The following KCNA2 variants were observed in gnomAD, a reference collection of about 807,000 sequenced individuals.
KCNA2 encodes the protein potassium voltage-gated channel subfamily A member 2, also known as potassium channel, voltage gated shaker related subfamily A, member 2.
Under a neutral mutation model 33.4 loss-of-function variants are expected in KCNA2, and 11 were observed. That is an observed-to-expected ratio of 0.33 (90% CI 0.21 to 0.55). The LOEUF (loss-of-function observed/expected upper bound fraction) is 0.55, where lower values mean the gene tolerates loss of function less well. Ranked by LOEUF, KCNA2 falls within the 20% of genes least tolerant of loss-of-function variation. The pLI is 0.93. For missense variants in KCNA2, 291 were observed against 621.6 expected (o/e 0.47, Z 5.66); for synonymous variants, 222 against 231.3 (o/e 0.96, Z 0.37).
Position 110,603,159 on chromosome 1 carries a change from T to C in KCNA2, c.*124A>G, listed in dbSNP as rs981774050. 86 of 1,466,926 alleles carry C rather than the reference T, an allele frequency of 5.9e-5. No homozygotes were observed. Among genetic ancestry groups the C allele is most frequent in the Non-Finnish European group, 7.6e-5 (85 of 1,114,696 alleles). The allele number at this position is 1,466,926 out of a possible 1,614,324, so 90.9% of individuals were successfully genotyped here. ...AAAAGTCAAAAGATCAAAAGTCACT[T>C]GCACAACTATTGCTTTCCATGCAGA... On this transcript the variant is annotated 3_prime_UTR_variant, in exon 3 of 3. Transcript: ENST00000316361. The surrounding 1 kb of genome is among the most constrained non-coding windows in gnomAD (Gnocchi z 5.7).
Position 110,593,988 on chromosome 1 carries a change from C to A in KCNA2, c.*9295G>T. On this transcript the variant is annotated 3_prime_UTR_variant, in exon 3 of 3. Transcript: ENST00000316361. ...ACTCCCAACTCCCATGAGTCTTCCC[C>A]GCAAGTCCTGCTCCGCCTTCAGCTC... is the stretch of plus-strand genomic sequence containing the variant. The A allele has an allele frequency of 6.5e-7, 1 of 1,547,570 alleles. No individual in the cohort carries two copies. The highest frequency in any genetic ancestry group is 2.5e-5 in the East Asian group (1 of 40,778).
chr1:110,594,226 A>T lies in KCNA2; in HGVS notation c.*9057T>A, dbSNP rs1648989372. 1 of 1,110,290 alleles carries T rather than the reference A, an allele frequency of 9.0e-7. No individual in the cohort carries two copies. Among genetic ancestry groups the T allele is most frequent in the Non-Finnish European group, 1.1e-6 (1 of 909,378 alleles). The allele number at this position is 1,110,290 out of a possible 1,614,324, so 68.8% of individuals were successfully genotyped here. ...ACAAGCAGCAAGGAAGCCAGTGCAA[A>T]CCCTAACTGGAGTCTGTGCTGCATG... On this transcript the variant is annotated 3_prime_UTR_variant, in exon 3 of 3. Transcript: ENST00000316361.
In KCNA2 at chr1:110,597,801, T is replaced by G. The variant is rs1043864039; in HGVS notation, c.*5482A>C. ...AGAAAACAGTCACTATTTATTTTAT[T>G]GCACTTTTCCTCTTTAAAAATATTC... On this transcript the variant is annotated 3_prime_UTR_variant, in exon 3 of 3. Coordinates refer to ENST00000316361, the MANE Select transcript of KCNA2 (RefSeq NM_004974.4). 4 of 985,224 alleles carry G rather than the reference T, an allele frequency of 4.1e-6. No individual in the cohort carries two copies. The highest frequency in any genetic ancestry group is 4.8e-6 in the Non-Finnish European group (4 of 829,850). The allele number at this position is 985,224 out of a possible 1,614,324, so 61.0% of individuals were successfully genotyped here. A position where few individuals can be genotyped will look rare whatever the true frequency, so the allele number is the denominator to read the frequency against.
At position 110,602,502 on chromosome 1, in the gene KCNA2, A is replaced by C; in HGVS notation, c.*781T>G. The C allele has an allele frequency of 8.8e-7, 1 of 1,139,500 alleles. No individual in the cohort carries two copies. Among genetic ancestry groups the C allele is most frequent in the Non-Finnish European group, 1.1e-6 (1 of 927,384 alleles). 70.6% of individuals were successfully genotyped at this position (1,139,500 alleles called of 1,614,324 possible). On this transcript the variant is annotated 3_prime_UTR_variant, in exon 3 of 3. Transcript: ENST00000316361. ...AGATGTCTGCAAACTCCAGTAAGAA[A>C]CCAGACATGTTTTTGTGACCCTGGA...
rs1214628964 is a variant in KCNA2, at chr1:110,594,121, A to G, written c.*9162T>C. 4 of 1,389,088 alleles carry G rather than the reference A, an allele frequency of 2.9e-6. No individual in the cohort carries two copies. Among genetic ancestry groups the G allele is most frequent in the East Asian group, 2.8e-5 (1 of 36,106 alleles). The allele number at this position is 1,389,088 out of a possible 1,614,324, so 86.0% of individuals were successfully genotyped here. On this transcript the variant is annotated 3_prime_UTR_variant, in exon 3 of 3. Coordinates refer to ENST00000316361, the MANE Select transcript of KCNA2 (RefSeq NM_004974.4). ...GGAGTTCCTTCTGCTATTGATCCCA[A>G]GGAGGCTTATTTATCTACCTCTTTG...
At chr1:110,609,103 A>T (rs1649780155), upstream of KCNA2, among the ~76,000 whole-genome samples, 1 of 151,690 alleles carries the variant, frequency 6.6e-6, no homozygotes. Context: ...TCCCTTCCCT[A>T]TATACTCCTT....
chr1:110,624,446 G>C (rs1650340854), intron 1 of KCNA2, among the ~76,000 whole-genome samples: 1 of 152,246 alleles, frequency 6.6e-6, no homozygotes, highest in South Asian at 2.1e-4. Flanking sequence ...CATCTATAGA[G>C]AAATAAAGCA....
intron 1 of KCNA2, among the ~76,000 whole-genome samples, chr1:110,619,174 C>T (rs1404599624): frequency 6.6e-6 from 1 of 152,196 alleles, no homozygotes; most frequent in Admixed American, 6.5e-5. Flanking sequence ...TGTGGCCTGG[C>T]TGTCCCCACT....
chr1:110,613,142 G>A (rs1649933185), intron 1 of KCNA2, among the ~76,000 whole-genome samples: 1 of 152,192 alleles, frequency 6.6e-6, no homozygotes, highest in Non-Finnish European at 1.5e-5. Flanking sequence ...GCAGCCCCCT[G>A]GCCAGAATGC....
chr1:110,617,756 A>G (rs1650114160), intron 1 of KCNA2, among the ~76,000 whole-genome samples: 1 of 152,182 alleles, frequency 6.6e-6, no homozygotes, highest in Non-Finnish European at 1.5e-5. Context: ...GGGCCGCCAC[A>G]GGGCTTCAGA....
chr1:110,617,324 G>A (rs749573723), intron 1 of KCNA2, among the ~76,000 whole-genome samples: 4 of 152,198 alleles, frequency 2.6e-5, no homozygotes, highest in African/African-American at 4.8e-5. Flanking sequence ...GGGACTCTGC[G>A]CCAGATGGAG....
Position 110,597,250 on chromosome 1 carries a change from G to A in KCNA2, c.*6033C>T, listed in dbSNP as rs968292575. ...CCGTCTCCCTGGGGAAGGGAGAAGG[G>A]GAAGCAAAAGGATCAAGTAATGGCT... On this transcript the variant is annotated 3_prime_UTR_variant, in exon 3 of 3. Transcript: ENST00000316361. 23 of 985,278 alleles carry A rather than the reference G, an allele frequency of 2.3e-5. No homozygotes were observed. The highest frequency in any genetic ancestry group is 5.2e-4 in the Middle Eastern group (1 of 1,936). 61.0% of individuals were successfully genotyped at this position (985,278 alleles called of 1,614,324 possible).
intron 1 of KCNA2, among the ~76,000 whole-genome samples, chr1:110,629,809 A>C (rs74120009): frequency 0.042 from 6,429 of 152,320 alleles, 471 homozygotes; most frequent in African/African-American, 0.14. Flanking sequence ...GGCAGAAAAC[A>C]GGAGTTAATT....
At chr1:110,614,254 T>C (rs1649978314) in intron 1 of KCNA2, among the ~76,000 whole-genome samples, 1 of 152,192 alleles carries the variant, frequency 6.6e-6, no homozygotes, top group Admixed American at 6.5e-5. Context: ...ACCCTGGCCA[T>C]CCTCGGAAGT....
upstream of KCNA2, chr1:110,608,131 G>C (rs1445347323): frequency 6.6e-6 from 1 of 152,336 alleles, no homozygotes; most frequent in Non-Finnish European, 1.5e-5. Flanking sequence ...AAGCCAGGTG[G>C]CCCACAGGGC....
intron 1 of KCNA2, among the ~76,000 whole-genome samples, chr1:110,620,321 G>A (rs1650221667): frequency 6.6e-6 from 1 of 152,130 alleles, no homozygotes; most frequent in African/African-American, 2.4e-5. Flanking sequence ...GCAAACACGG[G>A]TTCCAGGAAC....
Position 110,596,716 on chromosome 1 carries a change from G to T in KCNA2, c.*6567C>A. ...AGGAAATATTTTTCTCAATAACAAA[G>T]GTTGAACCAGACATGCTTTCCCATT... On this transcript the variant is annotated 3_prime_UTR_variant, in exon 3 of 3. Coordinates refer to ENST00000316361, the MANE Select transcript of KCNA2 (RefSeq NM_004974.4). The T allele has an allele frequency of 2.0e-6, 2 of 984,722 alleles. No homozygotes were observed. The highest frequency in any genetic ancestry group is 4.7e-5 in the South Asian group (1 of 21,266). 61.0% of individuals were successfully genotyped at this position (984,722 alleles called of 1,614,324 possible).
Position 110,602,601 on chromosome 1 carries a change from A to G in KCNA2, c.*682T>C. 1.0e-6 allele frequency: 1 copy of G among 1,004,780 alleles called. No homozygotes were observed. The highest frequency in any genetic ancestry group is 1.2e-6 in the Non-Finnish European group (1 of 842,404). 62.2% of individuals were successfully genotyped at this position (1,004,780 alleles called of 1,614,324 possible). ...AGCTTCTCCCCATAGGCCTAAGGGAACAAATGTGAAACTTGACAACTCATA... is the reference window on the plus strand; with the variant it reads ...AGCTTCTCCCCATAGGCCTAAGGGAGCAAATGTGAAACTTGACAACTCATA... On this transcript the variant is annotated 3_prime_UTR_variant, in exon 3 of 3. Coordinates refer to ENST00000316361, the MANE Select transcript of KCNA2 (RefSeq NM_004974.4).
At chr1:110,618,223 T>C (rs182702812) in intron 1 of KCNA2, among the ~76,000 whole-genome samples, 5 of 152,328 alleles carry the variant, frequency 3.3e-5, no homozygotes, top group African/African-American at 9.6e-5. Context: ...GGCACCCACC[T>C]GTAGTCTTAG....
Sources: allele counts gnomAD v4.1 joint callset (sites outside exome capture counted in the v4.1 genomes callset), GRCh38; gene constraint gnomAD v4.1.1; non-coding constraint Gnocchi (gnomAD v3.1); transcripts MANE v1.5; gene names NCBI Gene and HGNC (gene_info 2026-07-23, HGNC 2026-07-21).